Variants in RGS3 observed in about 807,000 individuals in gnomAD.
RGS3 encodes regulator of G-protein signalling 3.
In RGS3, 80 loss-of-function variants were observed where a neutral mutation model predicts 132.6. The observed-to-expected ratio is 0.60, with a 90% CI of 0.50 to 0.73. The LOEUF (loss-of-function observed/expected upper bound fraction) is 0.73, where lower values mean the gene tolerates loss of function less well. Ranked by LOEUF, RGS3 falls within the 30% of genes least tolerant of loss-of-function variation. The probability of loss-of-function intolerance (pLI) is 0.00; values close to 1 mark genes in which losing one functional copy is unlikely to be tolerated. For missense variants in RGS3, 1,382 were observed against 1,530.8 expected, an observed-to-expected ratio of 0.90 and a Z score of 1.62; for synonymous variants, 598 against 620.6, an observed-to-expected ratio of 0.96 and a Z score of 0.54.
chr9:113,507,084 C>T lies in RGS3; in HGVS notation c.1086-203C>T, dbSNP rs1268754659. Among the ~76,000 whole-genome samples, 1 of 152,194 alleles carries T rather than the reference C, an allele frequency of 6.6e-6. No homozygotes were observed. Among genetic ancestry groups the T allele is most frequent in the African/African-American group, 2.4e-5 (1 of 41,444 alleles). On this transcript the variant is annotated intron_variant, in intron 12 of 24. Transcript: ENST00000350696. This position sits in a 1 kb window ranked among gnomAD's most constrained non-coding sequence, Gnocchi z 5.0. The stretch of plus-strand genomic sequence containing the variant: ...AGGGTCCTTCTCAACCACTGCCCGT[C>T]AATAGGAATTGACCTAGGTGACCCA...
At chr9:113,458,314 T>G (rs1406144635), upstream of RGS3, among the ~76,000 whole-genome samples, 1 of 152,240 alleles carries the variant, frequency 6.6e-6, no homozygotes, top group Non-Finnish European at 1.5e-5. Context: ...AAATGTAAAA[T>G]GCATCCTTAG....
chr9:113,468,296 G>T (rs778532432), intron 3 of RGS3, among the ~76,000 whole-genome samples: 1 of 152,128 alleles, frequency 6.6e-6, no homozygotes, highest in Non-Finnish European at 1.5e-5. Context: ...AGTACCATTT[G>T]TTGAAAATAC....
chr9:113,589,661 T>A (rs1396589051), intron 20 of RGS3, among the ~76,000 whole-genome samples: 1 of 152,180 alleles, frequency 6.6e-6, no homozygotes, highest in African/African-American at 2.4e-5. Context: ...GGGCATGGCC[T>A]TGCCAGGCCA....
rs569451393 is a variant in RGS3, at chr9:113,548,973, C to T, written c.2037+12055C>T. Among the ~76,000 whole-genome samples the T allele has an allele frequency of 9.8e-5, 15 of 152,354 alleles. 1 individual carries two copies. The South Asian group carries it at 2.9e-3, about 29-fold the overall frequency. On this transcript the variant is annotated intron_variant, in intron 19 of 24. Coordinates refer to ENST00000350696, the Ensembl canonical transcript of RGS3. ...TCAGCCAGCCGGCTGTCCAGTGCCA[C>T]ACCTCCTCTTGCTGGTGTCCCCTCC...
chr9:113,565,250 A>T lies in RGS3; in HGVS notation c.2038-18200A>T. 1 of 1,287,936 alleles carries T rather than the reference A, an allele frequency of 7.8e-7. No individual in the cohort carries two copies. The highest frequency in any genetic ancestry group is 1.0e-6 in the Non-Finnish European group (1 of 987,802). The allele number at this position is 1,287,936 out of a possible 1,614,324, so 79.8% of individuals were successfully genotyped here. A position where few individuals can be genotyped will look rare whatever the true frequency, so the allele number is the denominator to read the frequency against. ...GGCCCAGGACCCTCTTCTTTGAGAC[A>T]TCCCGGACTCCATCTCGGATGAAAG... On this transcript the variant is annotated intron_variant, in intron 19 of 24. Transcript: ENST00000350696. The surrounding 1 kb of genome is among the most constrained non-coding windows in gnomAD (Gnocchi z 5.7).
At chr9:113,472,317 A>G (rs1004647527) in intron 3 of RGS3, among the ~76,000 whole-genome samples, 1 of 152,216 alleles carries the variant, frequency 6.6e-6, no homozygotes, top group Non-Finnish European at 1.5e-5. Context: ...GTGTACACAC[A>G]CACATGTTCA....
rs1425266835 is a variant in RGS3 at position 113,506,380 on chromosome 9, C to G, written c.980-8C>G. 5 of 1,572,790 alleles carry G rather than the reference C, an allele frequency of 3.2e-6. No homozygotes were observed. The highest frequency in any genetic ancestry group is 1.7e-4 in the Middle Eastern group (1 of 5,970). On this transcript the variant is annotated splice_polypyrimidine_tract_variant and splice_region_variant and intron_variant, in intron 11 of 24. Coordinates refer to ENST00000350696, the Ensembl canonical transcript of RGS3. The surrounding 1 kb of genome is among the most constrained non-coding windows in gnomAD (Gnocchi z 4.7). ...GGGCCCCTGAATGGCTTTTCTTTGT[C>G]CCTGCAGGGGGTCCGGCGGAACGGG... is the stretch of plus-strand genomic sequence containing the variant.
intron 7 of RGS3, among the ~76,000 whole-genome samples, chr9:113,493,429 G>A (rs904467750): frequency 2.0e-5 from 3 of 152,236 alleles, no homozygotes; most frequent in Admixed American, 6.5e-5. Flanking sequence ...GAGAGCAGCT[G>A]TTGAGAGACA....
At position 113,583,613 on chromosome 9, in the gene RGS3, C is replaced by T. The variant is rs760395851; in HGVS notation, c.2201C>T (p.Pro734Leu). Residue 734 changes from proline to leucine, a missense_variant, in exon 20 of 25, where the codon CCC (proline) becomes CTC (leucine). Physicochemically the swap from Pro to Leu is moderately conservative, Grantham distance 98. Transcript: ENST00000350696. ...AAGGACTCCCCTTCTGGGCAGGAAC[C>T]CGCTCCCAGCCAAGAACCACTGTCC... The T allele has an allele frequency of 4.3e-6, 7 of 1,614,048 alleles. No homozygotes were observed. The African/African-American group carries it at 8.0e-5, about 18-fold the overall frequency.
In RGS3 at chr9:113,541,712, C is replaced by T. The variant is rs1030058700; in HGVS notation, c.2037+4794C>T. The T allele has an allele frequency of 7.5e-6, 8 of 1,065,518 alleles. No homozygotes were observed. The African/African-American group carries it at 1.0e-4, about 13-fold the overall frequency. The allele number at this position is 1,065,518 out of a possible 1,614,324, so 66.0% of individuals were successfully genotyped here. On this transcript the variant is annotated intron_variant, in intron 19 of 24. Transcript: ENST00000350696. ...GGAGGAGGAGGAGGAGGACATTCCACATCTGGGCTTCCAGTGGTGGCTCCC... is the reference window on the plus strand; with the variant it reads ...GGAGGAGGAGGAGGAGGACATTCCATATCTGGGCTTCCAGTGGTGGCTCCC...
chr9:113,450,185 C>T (rs1245474283), intron 1 of RGS3, among the ~76,000 whole-genome samples: 4 of 152,328 alleles, frequency 2.6e-5, no homozygotes, highest in South Asian at 4.1e-4. Context: ...TTTCCTGCCT[C>T]AGCCTCCTGA....
At position 113,507,736 on chromosome 9, in the gene RGS3, A is replaced by G; in HGVS notation, c.1437+98A>G. ...AAAGTTGTGTGATGAGCAGCCTGTG[A>G]GGGGCTGCGATGTTGGGCAAGGAGA... is the stretch of plus-strand genomic sequence containing the variant. On this transcript the variant is annotated intron_variant, in intron 13 of 24. Coordinates refer to ENST00000350696, the Ensembl canonical transcript of RGS3. The surrounding 1 kb of genome is among the most constrained non-coding windows in gnomAD (Gnocchi z 5.0). 1 of 1,006,798 alleles carries G rather than the reference A, an allele frequency of 9.9e-7. No homozygotes were observed. The highest frequency in any genetic ancestry group is 1.4e-6 in the Non-Finnish European group (1 of 714,070). 62.4% of individuals were successfully genotyped at this position (1,006,798 alleles called of 1,614,324 possible).
At chr9:113,522,868 G>A in intron 16 of RGS3, 62 bp from the exon 15 acceptor site, 2 of 1,060,562 alleles carry the variant, frequency 1.9e-6, no homozygotes, top group East Asian at 4.7e-5. Context: ...CGGGGAGGTT[G>A]TGGCTCTCAG....
At chr9:113,596,985 C>T (rs1430159823) in exon 25 of RGS3, 1 of 1,559,210 alleles carries the variant, frequency 6.4e-7, no homozygotes, top group Non-Finnish European at 8.7e-7. Context: ...GCGTTCACAC[C>T]AGGCGGGCTG....
intron 14 of RGS3, among the ~76,000 whole-genome samples, chr9:113,509,620 C>T (rs1831312550): frequency 6.6e-6 from 1 of 152,146 alleles, no homozygotes; most frequent in Admixed American, 6.6e-5. Flanking sequence ...CGCGTGCCTG[C>T]CAGAAAGCTT....
At chr9:113,535,005 TTAATTGTTTATTTGTATAAA>T (rs973146484) in intron 18 of RGS3, among the ~76,000 whole-genome samples, 1 of 152,176 alleles carries the variant, frequency 6.6e-6, no homozygotes, top group African/African-American at 2.4e-5. Context: ...TATTATTTCT[TTAATTGTTTATTTGTATAAA>T]TAACAAATAT....
At chr9:113,501,715 A>G (rs1830906513) in intron 10 of RGS3, 1 of 1,363,402 alleles carries the variant, frequency 7.3e-7, no homozygotes, top group Admixed American at 2.0e-5. Context: ...CTCGCTCCTC[A>G]CAAGGTCTTC....
intron 19 of RGS3, among the ~76,000 whole-genome samples, chr9:113,564,532 T>G (rs1833912230): frequency 6.6e-6 from 1 of 152,174 alleles, no homozygotes; most frequent in African/African-American, 2.4e-5. Context: ...AATTAACCAG[T>G]GCTGGAGCTG....
upstream of RGS3, among the ~76,000 whole-genome samples, chr9:113,459,496 TC>T: frequency 6.6e-6 from 1 of 152,296 alleles, no homozygotes; most frequent in South Asian, 2.1e-4. Context: ...ACGCCTATAA[TC>T]CCAGCGCTGT....
Sources: allele counts gnomAD v4.1 joint callset (sites outside exome capture counted in the v4.1 genomes callset), GRCh38; gene constraint gnomAD v4.1.1; non-coding constraint Gnocchi (gnomAD v3.1); transcripts MANE v1.5; gene names NCBI Gene and HGNC (gene_info 2026-07-23, HGNC 2026-07-21).